The following PABPC4L variants were observed in gnomAD, a reference collection of about 807,000 sequenced individuals.
PABPC4L encodes polyadenylate-binding protein 4-like.
For synonymous variants in PABPC4L, 169 were observed against 164.1 expected, an observed-to-expected ratio of 1.03 and a Z score of -0.23; for missense variants, 452 against 451.4, an observed-to-expected ratio of 1.00 and a Z score of -0.01.
the PABPC4L span, among the ~76,000 whole-genome samples, chr4:133,984,257 G>C: frequency 6.6e-6 from 1 of 151,806 alleles, no homozygotes; most frequent in African/African-American, 2.4e-5. Context: ...GGGGTAAGTA[G>C]GTAAGAGGCA....
At chr4:133,965,817 A>C in the PABPC4L span, among the ~76,000 whole-genome samples, 1 of 152,178 alleles carries the variant, frequency 6.6e-6, no homozygotes, top group South Asian at 2.1e-4. Context: ...AACAAAAATC[A>C]ACTCAAGATG....
At chr4:134,065,532 C>A in the PABPC4L span, among the ~76,000 whole-genome samples, 3 of 151,854 alleles carry the variant, frequency 2.0e-5, no homozygotes, top group Non-Finnish European at 4.4e-5. Flanking sequence ...TTTATATTTA[C>A]ATTGTCTGCA....
the PABPC4L span, among the ~76,000 whole-genome samples, chr4:134,179,551 T>C: frequency 6.6e-6 from 1 of 152,090 alleles, no homozygotes; most frequent in Non-Finnish European, 1.5e-5. Context: ...TAACTTTGAA[T>C]GTAAATGAGC....
chr4:133,977,022 T>C, the PABPC4L span, among the ~76,000 whole-genome samples: 1 of 152,212 alleles, frequency 6.6e-6, no homozygotes, highest in East Asian at 1.9e-4. Flanking sequence ...ACCTAGACTT[T>C]CTTCTAGAAT....
chr4:134,116,027 G>T, the PABPC4L span, among the ~76,000 whole-genome samples: 1 of 151,952 alleles, frequency 6.6e-6, no homozygotes. Flanking sequence ...TACTGTACTT[G>T]AAAAATAAAT....
the PABPC4L span, among the ~76,000 whole-genome samples, chr4:134,157,265 GT>G: frequency 9.8e-4 from 138 of 141,490 alleles, no homozygotes; most frequent in Middle Eastern, 3.7e-3. Context: ...AATGCTCTTA[GT>G]TTTTTTTTTT....
At chr4:134,118,106 C>A in the PABPC4L span, among the ~76,000 whole-genome samples, 1 of 151,796 alleles carries the variant, frequency 6.6e-6, no homozygotes, top group South Asian at 2.1e-4. Flanking sequence ...GACCATGCTG[C>A]TTTCTCTGCC....
At chr4:134,047,927 C>T in the PABPC4L span, among the ~76,000 whole-genome samples, 2 of 151,768 alleles carry the variant, frequency 1.3e-5, no homozygotes, top group African/African-American at 4.8e-5. Context: ...TGTTGCTATG[C>T]TGCAAAATTG....
chr4:134,162,518 A>C, the PABPC4L span, among the ~76,000 whole-genome samples: 1 of 151,780 alleles, frequency 6.6e-6, no homozygotes, highest in East Asian at 1.9e-4. Flanking sequence ...AAACAGAACT[A>C]ACAGATATGC....
chr4:134,003,166 C>G, the PABPC4L span, among the ~76,000 whole-genome samples: 1 of 151,934 alleles, frequency 6.6e-6, no homozygotes, highest in Non-Finnish European at 1.5e-5. Flanking sequence ...TAATGAGGCT[C>G]AGCAAAGTCT....
chr4:134,109,169 T>C, the PABPC4L span, among the ~76,000 whole-genome samples: 4 of 151,992 alleles, frequency 2.6e-5, no homozygotes, highest in African/African-American at 9.6e-5. Flanking sequence ...AAAGTATGTA[T>C]CATAAGATTT....
At chr4:134,006,759 A>G in the PABPC4L span, among the ~76,000 whole-genome samples, 2 of 151,876 alleles carry the variant, frequency 1.3e-5, no homozygotes, top group African/African-American at 4.8e-5. Context: ...TCTTAGTAAT[A>G]TTGCTGATAT....
At chr4:134,059,708 C>T in the PABPC4L span, among the ~76,000 whole-genome samples, 1 of 150,818 alleles carries the variant, frequency 6.6e-6, no homozygotes, top group Non-Finnish European at 1.5e-5. Flanking sequence ...TCAGGAAGTC[C>T]CCTGAAATGT....
the PABPC4L span, among the ~76,000 whole-genome samples, chr4:134,060,022 G>A: frequency 6.6e-6 from 1 of 152,100 alleles, no homozygotes; most frequent in East Asian, 1.9e-4. Context: ...GAGAGAATCT[G>A]TATGCTTGGA....
At chr4:134,162,872 G>A in the PABPC4L span, among the ~76,000 whole-genome samples, 1 of 152,224 alleles carries the variant, frequency 6.6e-6, no homozygotes, top group South Asian at 2.1e-4. Context: ...GCAATGCTAA[G>A]AGGAACGTTT....
the PABPC4L span, among the ~76,000 whole-genome samples, chr4:133,949,370 TA>T: frequency 2.0e-5 from 3 of 152,130 alleles, no homozygotes; most frequent in African/African-American, 7.2e-5. Flanking sequence ...TTATGTTGAT[TA>T]TCAGCTTGAT....
At chr4:134,059,449 CAT>C in the PABPC4L span, among the ~76,000 whole-genome samples, 2 of 149,798 alleles carry the variant, frequency 1.3e-5, no homozygotes, top group South Asian at 2.1e-4. Context: ...TATATACACA[CAT>C]GTACACATAC....
chr4:134,022,009 C>T, the PABPC4L span, among the ~76,000 whole-genome samples: 9 of 151,968 alleles, frequency 5.9e-5, no homozygotes. Flanking sequence ...GTATTGGAGG[C>T]AATTTTTTAA....
chr4:134,087,258 T>G, the PABPC4L span, among the ~76,000 whole-genome samples: 2 of 151,918 alleles, frequency 1.3e-5, no homozygotes, highest in Admixed American at 1.3e-4. Flanking sequence ...CCATAAAAAA[T>G]GATGAGTTCA....
Sources: gnomAD v4.1 joint callset for allele counts (sites outside exome capture counted in the v4.1 genomes callset) on GRCh38, gnomAD v4.1.1 for gene constraint, MANE v1.5 for transcripts, NCBI Gene and HGNC (gene_info 2026-07-23, HGNC 2026-07-21) for gene names.